The following MYT1L variants were observed in gnomAD, a reference collection of about 807,000 sequenced individuals.
The protein encoded by MYT1L is myelin transcription factor 1 like, also known as myelin transcription factor 1-like protein.
MYT1L carries 12 observed loss-of-function variants against 126.7 expected under a neutral mutation model. The ratio of observed to expected loss-of-function variants is 0.09; its 90% confidence interval spans 0.06 to 0.15. MYT1L has a LOEUF of 0.15. Ranked by LOEUF, MYT1L falls within the 10% of genes least tolerant of loss-of-function variation. MYT1L has a pLI of 1.00. For missense variants in MYT1L, 979 were observed against 1,585.2 expected, an observed-to-expected ratio of 0.62 and a Z score of 6.49; for synonymous variants, 541 against 604.2, an observed-to-expected ratio of 0.90 and a Z score of 1.53.
intron 3 of MYT1L, among the ~76,000 whole-genome samples, chr2:2,121,707 G>A (rs576481433): frequency 3.9e-5 from 6 of 152,116 alleles, no homozygotes; most frequent in Non-Finnish European, 8.8e-5. Flanking sequence ...GGCTGGTTTC[G>A]AACTGCTGAC....
At chr2:2,170,841 G>C (rs1474194576) in intron 3 of MYT1L, among the ~76,000 whole-genome samples, 1 of 152,166 alleles carries the variant, frequency 6.6e-6, no homozygotes, top group African/African-American at 2.4e-5. Context: ...CTGTCATGGT[G>C]ACCTTTATGC....
At chr2:2,222,163 T>C (rs796128864) in intron 2 of MYT1L, among the ~76,000 whole-genome samples, 59 of 152,258 alleles carry the variant, frequency 3.9e-4, no homozygotes, top group African/African-American at 1.2e-3. Context: ...TTTTAAAGGA[T>C]TGAAACTCAG....
intron 18 of MYT1L, among the ~76,000 whole-genome samples, chr2:1,879,933 A>T (rs1171989469): frequency 1.3e-5 from 2 of 152,242 alleles, no homozygotes; most frequent in African/African-American, 4.8e-5. Context: ...TTTGAAATGA[A>T]AGAATGGAAT....
At chr2:2,095,359 C>A (rs1175705508) in intron 3 of MYT1L, among the ~76,000 whole-genome samples, 1 of 152,216 alleles carries the variant, frequency 6.6e-6, no homozygotes, top group Non-Finnish European at 1.5e-5. Context: ...CTGGTATCAT[C>A]AATGCTCCTC....
intron 13 of MYT1L, among the ~76,000 whole-genome samples, chr2:1,904,844 A>AGT (rs2050827294): frequency 6.7e-6 from 1 of 150,086 alleles, no homozygotes; most frequent in Non-Finnish European, 1.5e-5. Flanking sequence ...CCCAGGCTGG[A>AGT]GTGCAGTGGT....
At chr2:1,850,753 T>C (rs945386555) in intron 19 of MYT1L, among the ~76,000 whole-genome samples, 1 of 152,138 alleles carries the variant, frequency 6.6e-6, no homozygotes, top group Non-Finnish European at 1.5e-5. Flanking sequence ...CCATCAGCAA[T>C]GACAGCAATG....
At chr2:2,255,340 G>A (rs1335480221) in intron 2 of MYT1L, among the ~76,000 whole-genome samples, 1 of 152,012 alleles carries the variant, frequency 6.6e-6, no homozygotes, top group Non-Finnish European at 1.5e-5. Flanking sequence ...GGATATTGGG[G>A]GGGTTGTTAG....
intron 21 of MYT1L, among the ~76,000 whole-genome samples, chr2:1,826,601 T>C (rs529656893): frequency 1.2e-4 from 18 of 152,180 alleles, no homozygotes; most frequent in African/African-American, 3.4e-4. Flanking sequence ...CGTCAAACAC[T>C]AAAAGATGGA....
At chr2:2,270,045 T>C (rs914346950) in intron 2 of MYT1L, among the ~76,000 whole-genome samples, 6 of 152,106 alleles carry the variant, frequency 3.9e-5, no homozygotes, top group African/African-American at 1.4e-4. Context: ...GTGGGGCGTG[T>C]GGAGAGTCAT....
chr2:1,850,011 T>C (rs1375094579), intron 19 of MYT1L, among the ~76,000 whole-genome samples: 1 of 127,618 alleles, frequency 7.8e-6, no homozygotes, highest in African/African-American at 3.1e-5. Context: ...CAGACAACCG[T>C]GCTCTAGGGG....
intron 4 of MYT1L, among the ~76,000 whole-genome samples, chr2:2,003,919 G>A (rs1015450483): frequency 1.4e-4 from 21 of 151,410 alleles, no homozygotes; most frequent in Admixed American, 1.1e-3. Flanking sequence ...CATGCCTTTC[G>A]TGCATGCCTT....
At chr2:1,997,726 C>CTTTTTTA in intron 4 of MYT1L, among the ~76,000 whole-genome samples, 1 of 152,188 alleles carries the variant, frequency 6.6e-6, no homozygotes, top group East Asian at 1.9e-4. Flanking sequence ...GGGGTAGACT[C>CTTTTTTA]AGCCCGTGTG....
rs533883154 is a variant in MYT1L, at chr2:1,928,982, C to G, written c.506-5719G>C. ...AGGATAAGGATGTGCAGGGAGGGAA[C>G]TGGGGGTACAGGACAGGCCTGGACC... On this transcript the variant is annotated intron_variant, in intron 9 of 24. Coordinates refer to ENST00000647738, the MANE Select transcript of MYT1L (RefSeq NM_001303052.2). Among the ~76,000 whole-genome samples, 17 of 152,182 alleles carry G rather than the reference C, an allele frequency of 1.1e-4. No homozygotes were observed. The South Asian group carries it at 2.3e-3, about 20-fold the overall frequency.
chr2:1,832,662 C>T (rs1302627006), intron 21 of MYT1L, among the ~76,000 whole-genome samples: 1 of 152,208 alleles, frequency 6.6e-6, no homozygotes, highest in Non-Finnish European at 1.5e-5. Context: ...TCCTCCGCGG[C>T]CACCAAGGTG....
At chr2:1,882,912 T>TA (rs1414322995) in intron 18 of MYT1L, among the ~76,000 whole-genome samples, 3 of 152,230 alleles carry the variant, frequency 2.0e-5, no homozygotes, top group Admixed American at 1.3e-4. Flanking sequence ...TGATGTATTT[T>TA]AAAATGCATG....
intron 3 of MYT1L, among the ~76,000 whole-genome samples, chr2:2,122,872 T>TGTGTGTGTGTGTGTGAGAGAGA (rs553951630): frequency 3.0e-5 from 4 of 132,992 alleles, no homozygotes; most frequent in East Asian, 2.4e-4. Flanking sequence ...TGTGTGTGTG[T>TGTGTGTGTGTGTGTGAGAGAGA]GAGAGAGAGA....
intron 3 of MYT1L, among the ~76,000 whole-genome samples, chr2:2,141,773 G>A (rs1329501578): frequency 6.6e-6 from 1 of 152,206 alleles, no homozygotes; most frequent in Non-Finnish European, 1.5e-5. Context: ...AAAGTTGGGT[G>A]CTAGAACGAA....
At chr2:1,832,327 C>A (rs1201126544) in intron 21 of MYT1L, among the ~76,000 whole-genome samples, 1 of 152,126 alleles carries the variant, frequency 6.6e-6, no homozygotes, top group Non-Finnish European at 1.5e-5. Context: ...GACTTCCAGC[C>A]CAGGGACAGG....
At chr2:1,949,983 G>GT (rs2057595836) in intron 8 of MYT1L, among the ~76,000 whole-genome samples, 1 of 152,062 alleles carries the variant, frequency 6.6e-6, no homozygotes, top group Non-Finnish European at 1.5e-5. Flanking sequence ...TGGAGCACCG[G>GT]TTTTCAACCA....
Sources: allele counts gnomAD v4.1 joint callset (sites outside exome capture counted in the v4.1 genomes callset), GRCh38; gene constraint gnomAD v4.1.1; transcripts MANE v1.5; gene names NCBI Gene and HGNC (gene_info 2026-07-23, HGNC 2026-07-21).